WDFY3: variants seen among roughly 807,000 people sequenced by gnomAD.
The protein encoded by WDFY3 is WD repeat and FYVE domain-containing protein 3.
In WDFY3, 66 loss-of-function variants were observed where a neutral mutation model predicts 409.6. The observed-to-expected ratio is 0.16, with a 90% CI of 0.13 to 0.20. WDFY3 has a LOEUF of 0.20. Ranked by LOEUF, WDFY3 falls within the 10% of genes least tolerant of loss-of-function variation. WDFY3 has a pLI of 1.00. For synonymous variants in WDFY3, 1,521 were observed against 1,537.1 expected, an observed-to-expected ratio of 0.99 and a Z score of 0.25; for missense variants, 3,031 against 4,298.1, an observed-to-expected ratio of 0.71 and a Z score of 8.24.
intron 3 of WDFY3, among the ~76,000 whole-genome samples, chr4:84,879,048 A>G (rs1041021698): frequency 8.5e-5 from 13 of 152,180 alleles, no homozygotes; most frequent in African/African-American, 3.1e-4. Context: ...CTTTCCTTAA[A>G]AGTGACAACA....
chr4:84,748,097 G>A (rs531018857), intron 36 of WDFY3, among the ~76,000 whole-genome samples: 165 of 151,986 alleles, frequency 1.1e-3, no homozygotes, highest in African/African-American at 3.8e-3. Flanking sequence ...CCATTGCCAC[G>A]GTATTTATTT....
intron 53 of WDFY3, among the ~76,000 whole-genome samples, chr4:84,708,479 T>C (rs141227776): frequency 5.0e-4 from 76 of 152,334 alleles, no homozygotes; most frequent in African/African-American, 1.8e-3. Context: ...TTAAGTGCCT[T>C]TGCCTATTGA....
chr4:84,775,861 C>T (rs898092110), intron 27 of WDFY3, among the ~76,000 whole-genome samples: 3 of 151,718 alleles, frequency 2.0e-5, no homozygotes, highest in African/African-American at 7.3e-5. Context: ...GAACTCTATT[C>T]CATGCAAAAA....
chr4:84,930,084 A>T (rs1317284497), intron 2 of WDFY3, among the ~76,000 whole-genome samples: 1 of 152,108 alleles, frequency 6.6e-6, no homozygotes, highest in African/African-American at 2.4e-5. Flanking sequence ...CAGCATACAG[A>T]CTGTGAGACC....
At chr4:84,851,942 A>G (rs1759085623) in intron 4 of WDFY3, among the ~76,000 whole-genome samples, 1 of 152,184 alleles carries the variant, frequency 6.6e-6, no homozygotes. Context: ...AAAAAATTGT[A>G]ATAATATACT....
intron 5 of WDFY3, among the ~76,000 whole-genome samples, chr4:84,849,358 T>G (rs1049871782): frequency 6.6e-6 from 1 of 151,990 alleles, no homozygotes; most frequent in Non-Finnish European, 1.5e-5. Flanking sequence ...AAAATTTTCT[T>G]TGCCTAAAGA....
At chr4:84,789,662 C>T (rs1186244370) in intron 22 of WDFY3, 64 bp downstream of exon 22, 8 of 1,524,814 alleles carry the variant, frequency 5.2e-6, no homozygotes, top group Non-Finnish European at 6.3e-6. Flanking sequence ...CACACACACA[C>T]ACACACACCC....
chr4:84,865,851 T>A (rs2150257730), intron 3 of WDFY3, among the ~76,000 whole-genome samples: 1 of 152,254 alleles, frequency 6.6e-6, no homozygotes, highest in East Asian at 1.9e-4. Flanking sequence ...AGGCAGATCC[T>A]TTAAGCTCAG....
chr4:84,744,511 A>G (rs1376717533), intron 36 of WDFY3, among the ~76,000 whole-genome samples: 2 of 152,266 alleles, frequency 1.3e-5, no homozygotes, highest in East Asian at 3.9e-4. Flanking sequence ...GGAGGATCAC[A>G]TGATTTTGAG....
intron 48 of WDFY3, 133 bp from the exon 49 acceptor site, chr4:84,717,149 A>C (rs1315331529): frequency 9.6e-7 from 1 of 1,038,136 alleles, no homozygotes; most frequent in East Asian, 3.2e-5. Flanking sequence ...TCAGTTAAAA[A>C]ATATATTTAC....
chr4:84,734,075 A>G (rs775523939), intron 43 of WDFY3, among the ~76,000 whole-genome samples: 40 of 152,350 alleles, frequency 2.6e-4, no homozygotes, highest in Non-Finnish European at 4.7e-4. Flanking sequence ...TGAACTAGGT[A>G]AACATTTCCA....
At chr4:84,714,806 CG>C (rs1215813869) in intron 50 of WDFY3, among the ~76,000 whole-genome samples, 1 of 151,732 alleles carries the variant, frequency 6.6e-6, no homozygotes, top group Non-Finnish European at 1.5e-5. Flanking sequence ...AAAAATAAGC[CG>C]GGGATGGTGG....
chr4:84,691,465 A>C (rs1364065640), intron 60 of WDFY3, among the ~76,000 whole-genome samples, 166 bp downstream of exon 60: 1 of 152,192 alleles, frequency 6.6e-6, no homozygotes, highest in African/African-American at 2.4e-5. Flanking sequence ...GCTCTCATTC[A>C]GTGAAGCTCT....
intron 1 of WDFY3, among the ~76,000 whole-genome samples, chr4:84,961,546 AAAAGT>A (rs2151207368): frequency 6.6e-6 from 1 of 152,352 alleles, no homozygotes; most frequent in East Asian, 1.9e-4. Flanking sequence ...TTCCTTTACA[AAAAGT>A]AATTTTAACA....
intron 2 of WDFY3, among the ~76,000 whole-genome samples, chr4:84,925,839 T>C (rs1431588145): frequency 1.3e-5 from 2 of 152,058 alleles, no homozygotes; most frequent in African/African-American, 4.8e-5. Flanking sequence ...CTCTCTAAAA[T>C]GTACATATTC....
rs1426972984 is a variant in WDFY3, at chr4:84,692,967, G to C, written c.8967C>G (p.Ile2989Met). The C allele has an allele frequency of 6.2e-7, 1 of 1,613,632 alleles. No individual in the cohort carries two copies. The highest frequency in any genetic ancestry group is 1.7e-5 in the Admixed American group (1 of 59,846). ...RSRLNGDNAG[I>M]SVLPGSTSDK... ...CACTTGTAGATCCTGGTAGGACAGAGATTCCTGCATTGTCTCCATTGAGTC... is the reference window on the plus strand; with the variant it reads ...CACTTGTAGATCCTGGTAGGACAGACATTCCTGCATTGTCTCCATTGAGTC... The change falls in exon 59 of 68, where the codon ATC (isoleucine) becomes ATG (methionine). Residue 2989 changes from isoleucine (I) to methionine (M), a missense_variant. Ile to Met is a conservative substitution (Grantham distance 10). Around this residue, in one of 16 missense-constraint regions of WDFY3, gnomAD observed 152 missense variants for 193.5 expected, o/e 0.79. Transcript: ENST00000295888.
chr4:84,959,133 A>T (rs1774604730), intron 1 of WDFY3, among the ~76,000 whole-genome samples: 1 of 152,192 alleles, frequency 6.6e-6, no homozygotes, highest in Admixed American at 6.5e-5. Context: ...TGCCTAACAG[A>T]CAGCAGACAC....
intron 32 of WDFY3, among the ~76,000 whole-genome samples, chr4:84,759,613 A>G (rs1172164034): frequency 2.3e-4 from 34 of 148,908 alleles, no homozygotes; most frequent in African/African-American, 6.7e-4. Context: ...TTTGTCTGTT[A>G]TTGGTGTATA....
chr4:84,802,663 A>G (rs144665241), intron 16 of WDFY3, among the ~76,000 whole-genome samples: 84 of 152,342 alleles, frequency 5.5e-4, no homozygotes, highest in African/African-American at 1.9e-3. Flanking sequence ...AGAACAGGTT[A>G]GGCAAACATG....
Sources: allele counts gnomAD v4.1 joint callset (sites outside exome capture counted in the v4.1 genomes callset), GRCh38; gene constraint gnomAD v4.1.1; regional missense constraint gnomAD v4.1.1; transcripts MANE v1.5; gene names NCBI Gene and HGNC (gene_info 2026-07-23, HGNC 2026-07-21).